Variants in BRD10 observed in about 807,000 individuals in gnomAD.
BRD10 encodes uncharacterized bromodomain-containing protein 10.
the BRD10 span, among the ~76,000 whole-genome samples, chr9:5,987,982 GC>G: frequency 0.011 from 1,664 of 152,238 alleles, 25 homozygotes; most frequent in Middle Eastern, 0.02. Flanking sequence ...TTTATGTCAT[GC>G]TTGAACTACA....
chr9:5,893,065 G>A, the BRD10 span, among the ~76,000 whole-genome samples: 5 of 152,298 alleles, frequency 3.3e-5, no homozygotes, highest in South Asian at 6.2e-4. Context: ...TGGGTTTTAT[G>A]AGTGAATTAA....
At chr9:5,921,787 A>G in the BRD10 span, 1 of 1,613,978 alleles carries the variant, frequency 6.2e-7, no homozygotes, top group Non-Finnish European at 8.5e-7. Context: ...GTAGAGTACT[A>G]GAACAAATAG....
chr9:5,921,122 A>G, the BRD10 span: 10 of 1,613,930 alleles, frequency 6.2e-6, no homozygotes, highest in Admixed American at 1.5e-4. Flanking sequence ...GCTTACTGGA[A>G]CTGAATTACC....
the BRD10 span, among the ~76,000 whole-genome samples, chr9:5,980,400 T>A: frequency 6.6e-6 from 1 of 152,150 alleles, no homozygotes; most frequent in African/African-American, 2.4e-5. Flanking sequence ...TATACTGGTA[T>A]CCAAAGCTGT....
the BRD10 span, chr9:6,008,151 C>G: frequency 5.1e-6 from 5 of 981,100 alleles, no homozygotes; most frequent in African/African-American, 8.8e-5. Context: ...GCGCCCCACC[C>G]CCTCCCGGGC....
the BRD10 span, among the ~76,000 whole-genome samples, chr9:5,949,531 A>C: frequency 2.0e-5 from 3 of 152,184 alleles, no homozygotes; most frequent in African/African-American, 7.2e-5. Flanking sequence ...GTTTTTTCTT[A>C]TGTTTGAAAA....
At chr9:5,999,602 T>C in the BRD10 span, among the ~76,000 whole-genome samples, 1 of 152,152 alleles carries the variant, frequency 6.6e-6, no homozygotes, top group African/African-American at 2.4e-5. Context: ...CTCTGTGATC[T>C]GGCTACATAA....
At chr9:5,894,542 G>T in the BRD10 span, among the ~76,000 whole-genome samples, 1 of 152,134 alleles carries the variant, frequency 6.6e-6, no homozygotes, top group Admixed American at 6.6e-5. The surrounding 1 kb of genome is among the most constrained non-coding windows in gnomAD (Gnocchi z 4.0). Context: ...GGCTGGTTCT[G>T]GTGTCTCAAG....
At chr9:5,906,857 C>T in the BRD10 span, 3 of 1,398,156 alleles carry the variant, frequency 2.1e-6, no homozygotes, top group Non-Finnish European at 2.9e-6. Flanking sequence ...TCTTCTCACC[C>T]ACTCACCTTT....
At chr9:5,985,693 G>A in the BRD10 span, among the ~76,000 whole-genome samples, 1 of 152,124 alleles carries the variant, frequency 6.6e-6, no homozygotes, top group Admixed American at 6.5e-5. Context: ...GCTGAGACAG[G>A]GGAATCGCTT....
chr9:5,923,726 T>C, the BRD10 span, among the ~76,000 whole-genome samples: 1 of 152,214 alleles, frequency 6.6e-6, no homozygotes, highest in African/African-American at 2.4e-5. Context: ...CTCCAATCTA[T>C]TCTATTTCTA....
chr9:5,976,698 A>G, the BRD10 span, among the ~76,000 whole-genome samples: 1 of 152,102 alleles, frequency 6.6e-6, no homozygotes, highest in South Asian at 2.1e-4. Flanking sequence ...TTCCAAAGGA[A>G]ATAAGATAAA....
At chr9:5,966,753 C>T in the BRD10 span, among the ~76,000 whole-genome samples, 3 of 152,068 alleles carry the variant, frequency 2.0e-5, no homozygotes, top group Non-Finnish European at 4.4e-5. Flanking sequence ...CCACCGTGCC[C>T]AGCCTAGAGA....
chr9:5,939,116 C>T, the BRD10 span, among the ~76,000 whole-genome samples: 2 of 152,178 alleles, frequency 1.3e-5, no homozygotes, highest in East Asian at 1.9e-4. Flanking sequence ...TTATTTTTTA[C>T]AGGTGTTAGA....
the BRD10 span, chr9:5,922,135 C>A: frequency 1.9e-6 from 3 of 1,613,934 alleles, no homozygotes; most frequent in Non-Finnish European, 2.5e-6. Context: ...CTCCAGTGTT[C>A]CCACCTCGTG....
chr9:5,881,898 G>A, the BRD10 span, among the ~76,000 whole-genome samples: 5 of 152,312 alleles, frequency 3.3e-5, no homozygotes, highest in South Asian at 4.1e-4. Context: ...CAGGCTCTGC[G>A]CCAAGCAATG....
chr9:5,924,279 T>G, the BRD10 span, among the ~76,000 whole-genome samples: 3 of 151,312 alleles, frequency 2.0e-5, no homozygotes, highest in African/African-American at 4.9e-5. Context: ...TAATAATGAC[T>G]CCAAGAAACT....
chr9:5,936,505 T>C, the BRD10 span, among the ~76,000 whole-genome samples: 2 of 152,226 alleles, frequency 1.3e-5, no homozygotes, highest in African/African-American at 2.4e-5. Flanking sequence ...TATTTTAAAG[T>C]AGTGGAACAT....
chr9:5,969,500 A>G, the BRD10 span: 1 of 1,120,634 alleles, frequency 8.9e-7, no homozygotes, highest in Non-Finnish European at 1.2e-6. Context: ...ATAAATTTTA[A>G]GTATATTTAT....
Sources: allele counts gnomAD v4.1 joint callset (sites outside exome capture counted in the v4.1 genomes callset), GRCh38; gene constraint gnomAD v4.1.1; non-coding constraint Gnocchi (gnomAD v3.1); transcripts MANE v1.5; gene names NCBI Gene and HGNC (gene_info 2026-07-23, HGNC 2026-07-21).